Variants in OXR1 observed in about 807,000 individuals in gnomAD.
OXR1 encodes the protein oxidation resistance 1, also known as oxidation resistance protein 1.
OXR1 carries 41 observed loss-of-function variants against 104.6 expected under a neutral mutation model. The observed-to-expected ratio is 0.39, with a 90% CI of 0.31 to 0.51. The LOEUF is 0.51. Ranked by LOEUF, OXR1 falls within the 20% of genes least tolerant of loss-of-function variation. The probability of loss-of-function intolerance (pLI) is 0.77; values close to 1 mark genes in which losing one functional copy is unlikely to be tolerated. For missense variants in OXR1, 955 were observed against 1,031.9 expected (o/e 0.93, Z 1.02); for synonymous variants, 348 against 348.4 (o/e 1.00, Z 0.01).
chr8:106,697,865 C>T (rs547977323), intron 7 of OXR1: 15 of 1,612,370 alleles, frequency 9.3e-6, no homozygotes, highest in South Asian at 6.6e-5. Flanking sequence ...TGGAAGTTCT[C>T]GCGTCCAGGC....
chr8:106,316,498 C>T (rs887470908), intron 1 of OXR1, among the ~76,000 whole-genome samples: 2 of 152,134 alleles, frequency 1.3e-5, no homozygotes, highest in African/African-American at 2.4e-5. Flanking sequence ...GGGTTATAAC[C>T]ATTTACTTAG....
intron 2 of OXR1, among the ~76,000 whole-genome samples, chr8:106,422,545 T>G (rs1818948246): frequency 6.6e-6 from 1 of 152,048 alleles, no homozygotes; most frequent in African/African-American, 2.4e-5. Flanking sequence ...AAAAGACTAA[T>G]AGTAATAATA....
At chr8:106,275,807 A>G (rs149699355) in intron 1 of OXR1, among the ~76,000 whole-genome samples, 103 of 152,276 alleles carry the variant, frequency 6.8e-4, no homozygotes, top group Non-Finnish European at 1.3e-3. Context: ...ACACACACAG[A>G]GCAAGATTTT....
chr8:106,364,789 T>G (rs1052758713), intron 2 of OXR1, among the ~76,000 whole-genome samples: 1 of 152,198 alleles, frequency 6.6e-6, no homozygotes, highest in African/African-American at 2.4e-5. Context: ...GCATTTAGGA[T>G]GAGAAAATTC....
At chr8:106,703,676 C>CTG (rs1449542072) in intron 8 of OXR1, among the ~76,000 whole-genome samples, 3 of 151,796 alleles carry the variant, frequency 2.0e-5, no homozygotes, top group Admixed American at 6.5e-5. Flanking sequence ...GTTAAGATAG[C>CTG]TGTGAGACTA....
At chr8:106,348,672 ATTAT>A (rs1279251109) in intron 1 of OXR1, among the ~76,000 whole-genome samples, 2 of 152,184 alleles carry the variant, frequency 1.3e-5, no homozygotes, top group Non-Finnish European at 2.9e-5. Context: ...TTAAAAAATG[ATTAT>A]TTATTTAGTG....
At chr8:106,419,887 A>G (rs1385842149) in intron 2 of OXR1, among the ~76,000 whole-genome samples, 1 of 152,188 alleles carries the variant, frequency 6.6e-6, no homozygotes, top group African/African-American at 2.4e-5. Flanking sequence ...AGAAAAGGAA[A>G]CAATTCATCC....
intron 1 of OXR1, among the ~76,000 whole-genome samples, chr8:106,348,636 A>G (rs917137210): frequency 2.0e-5 from 3 of 152,336 alleles, no homozygotes; most frequent in Admixed American, 6.5e-5. Context: ...ATATATCAAA[A>G]CAGCTGGTTT....
intron 2 of OXR1, among the ~76,000 whole-genome samples, chr8:106,391,039 G>C (rs2130443341): frequency 6.6e-6 from 1 of 152,134 alleles, no homozygotes; most frequent in Non-Finnish European, 1.5e-5. Context: ...TCTTTTGTGG[G>C]GTTCGCCTTT....
intron 3 of OXR1, among the ~76,000 whole-genome samples, chr8:106,580,047 A>G (rs2130620729): frequency 6.6e-6 from 1 of 152,290 alleles, no homozygotes; most frequent in East Asian, 1.9e-4. Flanking sequence ...GGCAGCTGTG[A>G]CTCTAAATGC....
At chr8:106,420,935 T>C (rs115408105) in intron 2 of OXR1, among the ~76,000 whole-genome samples, 1 of 152,070 alleles carries the variant, frequency 6.6e-6, no homozygotes, top group Non-Finnish European at 1.5e-5. Flanking sequence ...AGAAGAAAAT[T>C]AACAAATGTA....
chr8:106,613,494 G>A (rs991710737), intron 3 of OXR1, among the ~76,000 whole-genome samples: 1 of 152,208 alleles, frequency 6.6e-6, no homozygotes, highest in African/African-American at 2.4e-5. Flanking sequence ...TGCCTCCCAG[G>A]CTCAAGCAAG....
intron 3 of OXR1, among the ~76,000 whole-genome samples, chr8:106,618,994 G>A (rs550453019): frequency 1.4e-4 from 21 of 152,150 alleles, no homozygotes; most frequent in East Asian, 3.9e-4. Flanking sequence ...GAACTGAGGC[G>A]TGTAAGTAAC....
At chr8:106,601,154 C>G (rs890647151) in intron 3 of OXR1, among the ~76,000 whole-genome samples, 8 of 152,122 alleles carry the variant, frequency 5.3e-5, no homozygotes, top group African/African-American at 1.9e-4. Context: ...AGTGAGAACA[C>G]TAACATATAT....
intron 3 of OXR1, among the ~76,000 whole-genome samples, chr8:106,593,589 T>C (rs1300872889): frequency 4.0e-5 from 6 of 151,836 alleles, no homozygotes; most frequent in Non-Finnish European, 7.4e-5. Flanking sequence ...CCATCCTGGC[T>C]AACACGGTGA....
chr8:106,300,832 A>G (rs1813206830), intron 1 of OXR1, among the ~76,000 whole-genome samples: 1 of 152,208 alleles, frequency 6.6e-6, no homozygotes, highest in South Asian at 2.1e-4. Context: ...CTATGTATCA[A>G]TGCTTTACTT....
At chr8:106,561,777 G>A (rs945123679) in intron 3 of OXR1, among the ~76,000 whole-genome samples, 8 of 152,204 alleles carry the variant, frequency 5.3e-5, no homozygotes, top group Non-Finnish European at 1.0e-4. Flanking sequence ...TCCAGAGGAA[G>A]GAACAGGCAG....
At chr8:106,368,603 A>T (rs1816582548) in intron 2 of OXR1, among the ~76,000 whole-genome samples, 1 of 149,248 alleles carries the variant, frequency 6.7e-6, no homozygotes, top group African/African-American at 2.5e-5. Context: ...CTCTGTGTCC[A>T]TGTGTTCTCA....
intron 7 of OXR1, among the ~76,000 whole-genome samples, chr8:106,701,363 C>A (rs1830570459): frequency 6.6e-6 from 1 of 152,096 alleles, no homozygotes; most frequent in Non-Finnish European, 1.5e-5. Context: ...TGACCATTTT[C>A]TGTAGATTTA....
Sources: allele counts gnomAD v4.1 joint callset (sites outside exome capture counted in the v4.1 genomes callset), GRCh38; gene constraint gnomAD v4.1.1; transcripts MANE v1.5; gene names NCBI Gene and HGNC (gene_info 2026-07-23, HGNC 2026-07-21).